LIPJ: variants seen among roughly 807,000 people sequenced by gnomAD.
The protein encoded by LIPJ is lipase family member J.
In LIPJ, 33 loss-of-function variants were observed where a neutral mutation model predicts 39.8. The ratio of observed to expected loss-of-function variants is 0.83; its 90% CI spans 0.63 to 1.11. The LOEUF (loss-of-function observed/expected upper bound fraction) is 1.11, where lower values mean the gene tolerates loss of function less well. Ranked by LOEUF, LIPJ falls within the 50% of genes least tolerant of loss-of-function variation. The pLI, the probability that LIPJ is intolerant of heterozygous loss-of-function variation, is 0.00. For missense variants in LIPJ, 422 were observed against 427.9 expected (o/e 0.99, Z 0.12); for synonymous variants, 128 against 139.2 (o/e 0.92, Z 0.57).
chr10:88,590,013 GA>G (rs1310804583), intron 2 of LIPJ, among the ~76,000 whole-genome samples: 1 of 151,508 alleles, frequency 6.6e-6, no homozygotes, highest in Non-Finnish European at 1.5e-5. Flanking sequence ...TTTGGGGGGA[GA>G]ATCTGGATGG....
At chr10:88,600,416 T>TA (rs1406435761) in intron 8 of LIPJ, among the ~76,000 whole-genome samples, 1 of 152,196 alleles carries the variant, frequency 6.6e-6, no homozygotes, top group Non-Finnish European at 1.5e-5. Context: ...TAATAAATTT[T>TA]AAAGTTTATA....
At chr10:88,613,798 ATATGTG>A in the LIPJ span, among the ~76,000 whole-genome samples, 125 of 52,040 alleles carry the variant, frequency 2.4e-3, 2 homozygotes, top group African/African-American at 7.3e-3. Context: ...ATATATATAT[ATATGTG>A]TGTGTGTGTG....
At chr10:88,590,290 G>T (rs190566188) in intron 2 of LIPJ, among the ~76,000 whole-genome samples, 1 of 151,804 alleles carries the variant, frequency 6.6e-6, no homozygotes, top group East Asian at 1.9e-4. Context: ...ACATGATAAA[G>T]CTCTCAGAAT....
At chr10:88,600,428 A>G (rs975578749) in intron 8 of LIPJ, among the ~76,000 whole-genome samples, 1 of 152,172 alleles carries the variant, frequency 6.6e-6, no homozygotes, top group Non-Finnish European at 1.5e-5. Flanking sequence ...AAGTTTATAC[A>G]TTGTATTTTT....
the LIPJ span, among the ~76,000 whole-genome samples, chr10:88,619,621 T>G: frequency 6.9e-6 from 1 of 145,592 alleles, no homozygotes; most frequent in Non-Finnish European, 1.5e-5. Context: ...TTTTATTGGG[T>G]TTTTTTTTCT....
chr10:88,595,714 A>G (rs1035610466), intron 6 of LIPJ, among the ~76,000 whole-genome samples: 13 of 151,580 alleles, frequency 8.6e-5, no homozygotes, highest in African/African-American at 3.1e-4. Flanking sequence ...TAAATAAATA[A>G]TAAATAAATA....
At chr10:88,589,483 A>G (rs1276098183) in intron 2 of LIPJ, among the ~76,000 whole-genome samples, 1 of 151,924 alleles carries the variant, frequency 6.6e-6, no homozygotes, top group African/African-American at 2.4e-5. Flanking sequence ...AAAACCACAG[A>G]TATTATACCA....
At chr10:88,600,726 A>T (rs1373943850) in intron 8 of LIPJ, among the ~76,000 whole-genome samples, 1 of 152,120 alleles carries the variant, frequency 6.6e-6, no homozygotes, top group Non-Finnish European at 1.5e-5. Context: ...TTACTGTCTT[A>T]GTGCATTTTG....
At chr10:88,590,034 T>G (rs185997239) in intron 2 of LIPJ, among the ~76,000 whole-genome samples, 1 of 151,754 alleles carries the variant, frequency 6.6e-6, no homozygotes, top group Admixed American at 6.6e-5. Flanking sequence ...GCAGCCTCTG[T>G]GGGTACCTGG....
At chr10:88,595,825 A>C (rs2134556130) in intron 6 of LIPJ, among the ~76,000 whole-genome samples, 1 of 151,722 alleles carries the variant, frequency 6.6e-6, no homozygotes, top group South Asian at 2.1e-4. Context: ...CAATAAAATA[A>C]GATGCTTAGT....
chr10:88,582,937 G>A (rs1850720410), upstream of LIPJ: 4 of 1,042,004 alleles, frequency 3.8e-6, no homozygotes, highest in Non-Finnish European at 4.0e-6. Context: ...CGGCGCATGG[G>A]CCGCGCTACA....
At chr10:88,595,644 T>C (rs1851229154) in intron 6 of LIPJ, among the ~76,000 whole-genome samples, 1 of 151,638 alleles carries the variant, frequency 6.6e-6, no homozygotes, top group Non-Finnish European at 1.5e-5. Context: ...TCAGAGCTTG[T>C]GGACTTACTA....
At chr10:88,594,813 T>C (rs374444201) in intron 6 of LIPJ, 37 bp downstream of exon 6, 3 of 1,059,792 alleles carry the variant, frequency 2.8e-6, no homozygotes, top group Non-Finnish European at 4.1e-6. Flanking sequence ...ATCCCTTAAT[T>C]TCTTTTTTAA....
At chr10:88,601,932 T>A (rs966965047) in intron 8 of LIPJ, among the ~76,000 whole-genome samples, 1 of 152,152 alleles carries the variant, frequency 6.6e-6, no homozygotes, top group African/African-American at 2.4e-5. Context: ...CACTTTGAGA[T>A]CAGTACTCTA....
chr10:88,598,942 T>TTA (rs1491078535), intron 8 of LIPJ, among the ~76,000 whole-genome samples: 8 of 124,484 alleles, frequency 6.4e-5, no homozygotes, highest in African/African-American at 2.6e-4. Flanking sequence ...TATAATATTT[T>TTA]ATATTGTATT....
upstream of LIPJ, chr10:88,583,006 C>G: frequency 1.3e-6 from 2 of 1,556,286 alleles, no homozygotes; most frequent in Non-Finnish European, 1.8e-6. Flanking sequence ...TGGGTGCAGG[C>G]CCACACCACC....
chr10:88,592,686 T>C (rs1851120244), intron 4 of LIPJ: 1 of 151,868 alleles, frequency 6.6e-6, no homozygotes, highest in South Asian at 2.1e-4. Context: ...GAAGGAGGTG[T>C]GATCTCTTAG....
chr10:88,593,998 CTGG>C (rs1851169289), exon 5 of LIPJ: 1 of 1,612,216 alleles, frequency 6.2e-7, no homozygotes, highest in Non-Finnish European at 8.5e-7. Flanking sequence ...CTGCCAGCAG[CTGG>C]ATTTCCAATC....
Position 88,593,948 on chromosome 10 carries a change from C to T in LIPJ, c.133C>T (p.Gln45Ter), listed in dbSNP as rs758119252. The change falls in exon 5 of 11, where the codon CAG (glutamine) becomes TAG (stop). Residue 45 changes from glutamine (Q) to a stop codon, truncating the protein, a stop_gained and splice_region_variant. Transcript: ENST00000371939. LOFTEE classifies it high-confidence loss of function. Reference sequence around the variant, plus strand: ...AACTTTCTACATTTTTTTCTCAGCTCAGAGGGTTGTTGTATACTTGCAACA... The same window carrying T: ...AACTTTCTACATTTTTTTCTCAGCTTAGAGGGTTGTTGTATACTTGCAACA... 6.2e-7 allele frequency: 1 copy of T among 1,608,422 alleles called. No homozygotes were observed. The highest frequency in any genetic ancestry group is 1.1e-5 in the South Asian group (1 of 90,344).
Sources: gnomAD v4.1 joint callset for allele counts (sites outside exome capture counted in the v4.1 genomes callset) on GRCh38, gnomAD v4.1.1 for gene constraint, MANE v1.5 for transcripts, NCBI Gene and HGNC (gene_info 2026-07-23, HGNC 2026-07-21) for gene names.